Variants in SEM1 observed in about 807,000 individuals in gnomAD.
The protein encoded by SEM1 is SEM1 26S proteasome subunit, also known as 26S proteasome complex subunit SEM1.
A neutral mutation model predicts 12.7 loss-of-function variants in SEM1; 3 were observed. That is an observed-to-expected ratio of 0.24 (90% CI 0.11 to 0.61). The LOEUF is 0.61. SEM1 is among the 20% of genes least tolerant of loss of function. The pLI is 0.88. For synonymous variants in SEM1, 30 were observed against 27.8 expected, an observed-to-expected ratio of 1.08 and a Z score of -0.25; for missense variants, 59 against 81.3, an observed-to-expected ratio of 0.73 and a Z score of 1.06.
chr7:96,554,747 A>G (rs898279278), intron 2 of SEM1, among the ~76,000 whole-genome samples: 2 of 150,194 alleles, frequency 1.3e-5, no homozygotes, highest in African/African-American at 4.9e-5. Flanking sequence ...TTTTCTATTG[A>G]TTGGAATAGT....
intron 1 of SEM1, 109 bp downstream of exon 1, chr7:96,709,579 T>C (rs1394072442): frequency 4.9e-6 from 5 of 1,015,272 alleles, no homozygotes; most frequent in Non-Finnish European, 6.0e-6. Context: ...GCCCTGGGAG[T>C]CCAAACTTCC....
intron 2 of SEM1, among the ~76,000 whole-genome samples, chr7:96,647,990 A>C (rs1808854520): frequency 6.6e-6 from 1 of 152,198 alleles, no homozygotes; most frequent in Non-Finnish European, 1.5e-5. Flanking sequence ...TTTGGCTAGG[A>C]GTACAAAATG....
intron 2 of SEM1, among the ~76,000 whole-genome samples, chr7:96,546,612 T>C (rs1805111675): frequency 6.6e-6 from 1 of 152,116 alleles, no homozygotes; most frequent in Admixed American, 6.6e-5. Context: ...TATATAGTTA[T>C]ACAATTCATC....
chr7:96,590,173 T>C (rs1343128843), intron 2 of SEM1, among the ~76,000 whole-genome samples: 2 of 152,174 alleles, frequency 1.3e-5, no homozygotes, highest in Non-Finnish European at 2.9e-5. Flanking sequence ...TAAATATAAA[T>C]CAGTTTTGGC....
intron 1 of SEM1, among the ~76,000 whole-genome samples, chr7:96,701,204 G>A (rs745635000): frequency 2.6e-5 from 4 of 152,072 alleles, no homozygotes; most frequent in Admixed American, 6.5e-5. Context: ...GTTTACATAT[G>A]TATCATTGTT....
At chr7:96,562,247 G>A (rs1394129908) in intron 2 of SEM1, among the ~76,000 whole-genome samples, 2 of 152,174 alleles carry the variant, frequency 1.3e-5, no homozygotes, top group South Asian at 2.1e-4. Context: ...GTGTCTTAAT[G>A]AGAAGGTTGA....
intron 2 of SEM1, among the ~76,000 whole-genome samples, chr7:96,553,769 T>A (rs370879356): frequency 6.6e-6 from 1 of 152,190 alleles, no homozygotes; most frequent in South Asian, 2.1e-4. Context: ...ACATTGAATC[T>A]GTAAATTACC....
At chr7:96,483,670 A>C in exon 4 of SEM1, 1 of 646,512 alleles carries the variant, frequency 1.5e-6, no homozygotes. Flanking sequence ...TAACAATTAA[A>C]TGCTTCTAAT....
intron 1 of SEM1, among the ~76,000 whole-genome samples, chr7:96,487,810 G>A (rs1163338050): frequency 6.7e-6 from 1 of 150,096 alleles, no homozygotes; most frequent in African/African-American, 2.5e-5. Flanking sequence ...AGAGTCCTGA[G>A]TGCCAAACAC....
intron 2 of SEM1, among the ~76,000 whole-genome samples, chr7:96,541,459 T>G (rs1195079442): frequency 1.4e-5 from 2 of 138,708 alleles, no homozygotes; most frequent in African/African-American, 2.7e-5. Context: ...TTTTTTTTTT[T>G]GCTGAATTGT....
chr7:96,555,942 T>G (rs1805478363), intron 2 of SEM1, among the ~76,000 whole-genome samples: 1 of 145,020 alleles, frequency 6.9e-6, no homozygotes, highest in Non-Finnish European at 1.5e-5. Context: ...TACCATTATG[T>G]AATGGCCTTC....
chr7:96,517,467 A>G (rs1804131910), intron 2 of SEM1, among the ~76,000 whole-genome samples: 1 of 152,120 alleles, frequency 6.6e-6, no homozygotes, highest in African/African-American at 2.4e-5. Flanking sequence ...TCTTTTCAAC[A>G]TATGTATAGT....
At chr7:96,585,837 G>A (rs1290977520) in intron 2 of SEM1, among the ~76,000 whole-genome samples, 1 of 152,142 alleles carries the variant, frequency 6.6e-6, no homozygotes, top group Non-Finnish European at 1.5e-5. Flanking sequence ...TGCACACGGT[G>A]CGCGCACCCA....
intron 2 of SEM1, among the ~76,000 whole-genome samples, chr7:96,523,660 C>T (rs527881907): frequency 2.6e-5 from 4 of 152,232 alleles, no homozygotes; most frequent in African/African-American, 7.2e-5. Context: ...TACTCTTCCA[C>T]CTTCAGCACC....
intron 2 of SEM1, among the ~76,000 whole-genome samples, chr7:96,528,996 T>G (rs1804554503): frequency 6.6e-6 from 1 of 152,130 alleles, no homozygotes; most frequent in African/African-American, 2.4e-5. Flanking sequence ...GCAACACAAA[T>G]GAAACATCTA....
At chr7:96,556,635 A>G (rs1805511587) in intron 2 of SEM1, among the ~76,000 whole-genome samples, 1 of 141,104 alleles carries the variant, frequency 7.1e-6, no homozygotes, top group Admixed American at 7.2e-5. Flanking sequence ...TTTTTCCTTC[A>G]TTTCAACTTT....
upstream of SEM1, among the ~76,000 whole-genome samples, chr7:96,498,161 T>C (rs545801943): frequency 1.3e-5 from 2 of 152,226 alleles, no homozygotes; most frequent in East Asian, 3.9e-4. Context: ...AGACAAATAA[T>C]TGTACATTGT....
intron 2 of SEM1, among the ~76,000 whole-genome samples, chr7:96,631,362 A>G (rs1808253257): frequency 6.6e-6 from 1 of 152,128 alleles, no homozygotes; most frequent in Non-Finnish European, 1.5e-5. Context: ...GGTGAGCATC[A>G]GTTAAGTTTC....
intron 2 of SEM1, among the ~76,000 whole-genome samples, chr7:96,558,757 A>T (rs1252274456): frequency 6.6e-6 from 1 of 152,240 alleles, no homozygotes; most frequent in East Asian, 1.9e-4. Context: ...GACTCAGACC[A>T]TGATCTGCAT....
Sources: allele counts gnomAD v4.1 joint callset (sites outside exome capture counted in the v4.1 genomes callset), GRCh38; gene constraint gnomAD v4.1.1; transcripts MANE v1.5; gene names NCBI Gene and HGNC (gene_info 2026-07-23, HGNC 2026-07-21).